HENMT1: variants seen among roughly 807,000 people sequenced by gnomAD.
The protein encoded by HENMT1 is small RNA 2'-O-methyltransferase.
A neutral mutation model predicts 31.1 loss-of-function variants in HENMT1; 27 were observed. That is an observed-to-expected ratio of 0.87 (90% CI 0.64 to 1.20). The LOEUF (loss-of-function observed/expected upper bound fraction) is 1.20. Among genes scored for constraint, HENMT1 ranks in the 50% most tolerant of loss-of-function variants. HENMT1 has a pLI of 0.00. For synonymous variants in HENMT1, 167 were observed against 172.2 expected (o/e 0.97, Z 0.24); for missense variants, 438 against 469.6 (o/e 0.93, Z 0.62).
intron 5 of HENMT1, 22 bp downstream of exon 5, chr1:108,654,694 A>C: frequency 6.2e-7 from 1 of 1,611,978 alleles, no homozygotes; most frequent in Non-Finnish European, 8.5e-7. Context: ...ACAGTTATAC[A>C]GTGTATCAGT....
chr1:108,648,573 T>C lies in HENMT1; in HGVS notation c.1175A>G (p.Glu392Gly). 1 of 1,611,834 alleles carries C rather than the reference T, an allele frequency of 6.2e-7. No homozygotes were observed. The highest frequency in any genetic ancestry group is 1.3e-5 in the African/African-American group (1 of 74,990). Residue 392 changes from glutamate to glycine, a missense_variant, in exon 8 of 8, where the codon GAG (glutamate) becomes GGG (glycine). Transcript: ENST00000651461. ...TCAGGAAATAAACATGGTTCAAAACTCAAACTGTTCATCAAAATAATTACG... is the reference window on the plus strand; with the variant it reads ...TCAGGAAATAAACATGGTTCAAAACCCAAACTGTTCATCAAAATAATTACG... ...DLRNYFDEQF[E>G]F
At chr1:108,651,836 C>T (rs1344168652) in intron 5 of HENMT1, among the ~76,000 whole-genome samples, 1 of 152,078 alleles carries the variant, frequency 6.6e-6, no homozygotes, top group Non-Finnish European at 1.5e-5. Context: ...TGATGGCTCC[C>T]TTATCCAACC....
intron 3 of HENMT1, among the ~76,000 whole-genome samples, chr1:108,657,000 A>G (rs576370045): frequency 6.6e-6 from 1 of 152,214 alleles, no homozygotes; most frequent in Non-Finnish European, 1.5e-5. Flanking sequence ...GGCTCACTGC[A>G]AAAAACCACC....
chr1:108,660,290 AACTT>A (rs767487409), intron 1 of HENMT1, among the ~76,000 whole-genome samples: 58 of 152,320 alleles, frequency 3.8e-4, no homozygotes, highest in Non-Finnish European at 6.0e-4. Context: ...CAGAAAGCGT[AACTT>A]TTCACTACGT....
At position 108,651,052 on chromosome 1, in the gene HENMT1, T is replaced by G; in HGVS notation, c.556A>C (p.Thr186Pro). 6.2e-7 allele frequency: 1 copy of G among 1,613,792 alleles called. No individual in the cohort carries two copies. The change falls in exon 6 of 8, where the codon ACC becomes CCC. Residue 186 changes from threonine to proline, a missense_variant. By Grantham distance (38) the Thr-to-Pro change is conservative. Transcript: ENST00000651461. ...LRDSDHKFEW[T>P]RMEFQTWALY... ...TACCAGGTCTGAAACTCCATTCTGG[T>G]CCACTCAAATTTATGATCTGAATCT... is the stretch of plus-strand genomic sequence containing the variant.
chr1:108,652,020 T>C (rs1658073644), intron 5 of HENMT1, among the ~76,000 whole-genome samples: 3 of 152,216 alleles, frequency 2.0e-5, no homozygotes, highest in Admixed American at 6.5e-5. Context: ...TACAGCGACA[T>C]TCTAGAAAAT....
chr1:108,660,114 G>A (rs1474405899), intron 1 of HENMT1, among the ~76,000 whole-genome samples, 152 bp from the exon 2 acceptor site: 4 of 97,734 alleles, frequency 4.1e-5, no homozygotes, highest in Non-Finnish European at 5.9e-5. Flanking sequence ...ATTCACCTCT[G>A]AGTACTCAAA....
Position 108,657,576 on chromosome 1 carries a change from T to C in HENMT1, c.25A>G (p.Ser9Gly), listed in dbSNP as rs760022184. 6.2e-7 allele frequency: 1 copy of C among 1,611,956 alleles called. No homozygotes were observed. The highest frequency in any genetic ancestry group is 1.1e-5 in the South Asian group (1 of 90,590). Residue 9 changes from serine (S) to glycine (G), a missense_variant, in exon 3 of 8, where the codon AGT (serine) becomes GGT (glycine). Transcript: ENST00000651461. MEENNLQC[S>G]SVVDGNFEEV... Reference sequence around the variant, plus strand: ...TCAAAATTACCGTCAACCACACTACTGCACTGAAGTTCACAAACAAAAAAA... The same window carrying C: ...TCAAAATTACCGTCAACCACACTACCGCACTGAAGTTCACAAACAAAAAAA...
chr1:108,652,788 C>G (rs1658094231), intron 5 of HENMT1, among the ~76,000 whole-genome samples: 2 of 151,816 alleles, frequency 1.3e-5, no homozygotes, highest in South Asian at 4.2e-4. Context: ...ACTAAAAATA[C>G]AAAAAATTAG....
In HENMT1 at chr1:108,661,082, G is replaced by C. The variant is rs891501037; in HGVS notation, c.-198C>G. On this transcript the variant is annotated 5_prime_UTR_variant, in exon 1 of 8. Coordinates refer to ENST00000651461, the MANE Select transcript of HENMT1 (RefSeq NM_001102592.2). ...CCGCCAGCGTCCTCAACTCAGCGCC[G>C]CCCTGACGCCCGCGCACGCACGGCC... 7 of 788,124 alleles carry C rather than the reference G, an allele frequency of 8.9e-6. No individual in the cohort carries two copies. Among genetic ancestry groups the C allele is most frequent in the East Asian group, 2.5e-4 (2 of 7,964 alleles). 48.8% of individuals were successfully genotyped at this position (788,124 alleles called of 1,614,324 possible).
At chr1:108,652,847 G>T (rs558023684) in intron 5 of HENMT1, among the ~76,000 whole-genome samples, 1 of 151,738 alleles carries the variant, frequency 6.6e-6, no homozygotes, top group Non-Finnish European at 1.5e-5. Flanking sequence ...GGGAGGCTGA[G>T]GCAAAAGAAT....
In HENMT1 at chr1:108,650,280, G is replaced by C. The variant is rs775477157; in HGVS notation, c.687C>G (p.Phe229Leu). 1 of 1,614,094 alleles carries C rather than the reference G, an allele frequency of 6.2e-7. No homozygotes were observed. Among genetic ancestry groups the C allele is most frequent in the Non-Finnish European group, 8.5e-7 (1 of 1,179,976 alleles). Residue 229 changes from phenylalanine to leucine, a missense_variant, in exon 7 of 8, where the codon TTC becomes TTG. Transcript: ENST00000651461. ...CTGTTGCCTTTCCTCCATTTTTCCG[G>C]AAGATTCCTATCTGGGTACAGTATC... ...NVGYCTQIGI[F>L]RKNGGKATES...
chr1:108,655,595 C>A lies in HENMT1; in HGVS notation c.254G>T (p.Arg85Leu), dbSNP rs781522326. Residue 85 changes from arginine to leucine, a missense_variant, in exon 4 of 8, where the codon CGA becomes CTA. Transcript: ENST00000651461. ...AGAAACTAAGTATTACCCTCTCCAT[C>A]GTAATTTATCCTCATTAATATCTAC... is the stretch of plus-strand genomic sequence containing the variant. The part of the protein sequence containing the change: ...VGVDINEDKL[R>L]WRGDSLAPFL... 1 of 1,576,364 alleles carries A rather than the reference C, an allele frequency of 6.3e-7. No homozygotes were observed. Among genetic ancestry groups the A allele is most frequent in the East Asian group, 2.3e-5 (1 of 44,338 alleles).
intron 3 of HENMT1, among the ~76,000 whole-genome samples, chr1:108,656,587 T>A (rs1379321383): frequency 2.0e-5 from 3 of 152,124 alleles, no homozygotes; most frequent in African/African-American, 7.2e-5. Context: ...GCTCAAGGGA[T>A]CCTCCCACCT....
intron 7 of HENMT1, 83 bp from the exon 8 acceptor site, chr1:108,649,074 C>T (rs1657967868): frequency 6.2e-6 from 7 of 1,130,076 alleles, no homozygotes; most frequent in Non-Finnish European, 8.6e-6. Flanking sequence ...AACTTTTTTG[C>T]CATGTAAGAA....
intron 7 of HENMT1, 189 bp downstream of exon 7, chr1:108,650,022 C>A: frequency 1.5e-6 from 1 of 689,404 alleles, no homozygotes; most frequent in South Asian, 1.5e-5. Flanking sequence ...ACCAAAAGGC[C>A]AGGCAGTCTC....
rs147535218 is a variant in HENMT1 at position 108,652,867 on chromosome 1, C to T, written c.399-1658G>A. 2.9e-3 allele frequency among the ~76,000 whole-genome samples: 434 copies of T among 151,856 alleles called. 3 individuals carry two copies. Among genetic ancestry groups the T allele is most frequent in the African/African-American group, 0.01 (417 of 41,434 alleles). On this transcript the variant is annotated intron_variant, in intron 5 of 7. Transcript: ENST00000651461. ...GCTGAGGCAAAAGAATCACTTGAAC[C>T]CAGGAGGCAGAGGTTGCAGTGAGCC...
At chr1:108,657,927 G>A (rs1658297148) in intron 2 of HENMT1, among the ~76,000 whole-genome samples, 1 of 151,624 alleles carries the variant, frequency 6.6e-6, no homozygotes, top group South Asian at 2.1e-4. Flanking sequence ...TGTGGTCCAA[G>A]TAGGCAGGAG....
intron 5 of HENMT1, 44 bp downstream of exon 5, chr1:108,654,672 C>T (rs755028248): frequency 1.9e-6 from 3 of 1,587,696 alleles, no homozygotes; most frequent in Non-Finnish European, 2.6e-6. Context: ...CTTATTCAGG[C>T]TTTTCAAATG....
Sources: gnomAD v4.1 joint callset for allele counts (sites outside exome capture counted in the v4.1 genomes callset) on GRCh38, gnomAD v4.1.1 for gene constraint, MANE v1.5 for transcripts, NCBI Gene and HGNC (gene_info 2026-07-23, HGNC 2026-07-21) for gene names.